The following ADAM10 variants were observed in gnomAD, a reference collection of about 807,000 sequenced individuals.
The protein encoded by ADAM10 is ADAM metallopeptidase domain 10, also known as disintegrin and metalloproteinase domain-containing protein 10.
ADAM10 carries 17 observed loss-of-function variants against 90.1 expected under a neutral mutation model. The observed-to-expected ratio is 0.19, with a 90% CI of 0.13 to 0.28. The LOEUF (loss-of-function observed/expected upper bound fraction) is 0.28. ADAM10 is among the 10% of genes least tolerant of loss of function. The pLI, the probability that ADAM10 is intolerant of heterozygous loss-of-function variation, is 1.00. For synonymous variants in ADAM10, 310 were observed against 298.6 expected (o/e 1.04, Z -0.40); for missense variants, 610 against 914.3 (o/e 0.67, Z 4.29).
At chr15:58,698,575 C>CA (rs138309518) in intron 2 of ADAM10, among the ~76,000 whole-genome samples, 8,724 of 115,440 alleles carry the variant, frequency 0.076, 326 homozygotes, top group East Asian at 0.18. Flanking sequence ...GACCTTGTCT[C>CA]AAAAAAAAAA....
In ADAM10 at chr15:58,593,484, T is replaced by A. The variant is rs565161842; in HGVS notation, c.*4063A>T. 1 of 152,708 alleles carries A rather than the reference T, an allele frequency of 6.5e-6. No individual in the cohort carries two copies. The highest frequency in any genetic ancestry group is 2.1e-4 in the South Asian group (1 of 4,828). The allele number at this position is 152,708 out of a possible 1,614,324, so 9.5% of individuals were successfully genotyped here. ...CCTCCCAAAGTGCTGGGATTACAGG[T>A]GTGAGCCACCGCACCCAGCCCTGCC... On this transcript the variant is annotated 3_prime_UTR_variant, in exon 16 of 16. Coordinates refer to ENST00000260408, the MANE Select transcript of ADAM10 (RefSeq NM_001110.4).
At chr15:58,628,518 C>T (rs1439710705) in intron 9 of ADAM10, among the ~76,000 whole-genome samples, 3 of 152,144 alleles carry the variant, frequency 2.0e-5, no homozygotes, top group African/African-American at 7.2e-5. Flanking sequence ...CATATAAATG[C>T]ACATAAGTGG....
intron 14 of ADAM10, 92 bp downstream of exon 14, chr15:58,610,203 TAA>T: frequency 2.1e-6 from 2 of 966,584 alleles, no homozygotes; most frequent in Non-Finnish European, 3.3e-6. Flanking sequence ...TATAAATAGT[TAA>T]GTTGTTTTCT....
chr15:58,657,580 T>C (rs890940880), intron 5 of ADAM10, among the ~76,000 whole-genome samples: 1 of 152,244 alleles, frequency 6.6e-6, no homozygotes, highest in Admixed American at 6.5e-5. Context: ...TCTGATAGTA[T>C]TCCGAATTCC....
intron 2 of ADAM10, among the ~76,000 whole-genome samples, chr15:58,710,015 G>A (rs1354110179): frequency 1.3e-5 from 2 of 152,036 alleles, no homozygotes; most frequent in African/African-American, 4.8e-5. Flanking sequence ...AGGTGCAGTG[G>A]CTCACGCCTG....
Position 58,746,783 on chromosome 15 carries a change from A to T in ADAM10, c.55+2697T>A, listed in dbSNP as rs544635022. 4.6e-5 allele frequency among the ~76,000 whole-genome samples: 7 copies of T among 152,316 alleles called. No homozygotes were observed. The East Asian group carries it at 9.6e-4, about 21-fold the overall frequency. On this transcript the variant is annotated intron_variant, in intron 1 of 15. Transcript: ENST00000260408. The stretch of plus-strand genomic sequence containing the variant: ...AAATAAACAAAATAAAACATTTTTT[A>T]AAAAAGATGATGGAGTTAACTGGAC...
At position 58,593,149 on chromosome 15, in the gene ADAM10, A is replaced by ATT. The variant is rs766149223; in HGVS notation, c.*4396_*4397dup. 1.3e-4 allele frequency: 9 copies of ATT among 68,464 alleles called. 1 individual carries two copies. Among genetic ancestry groups the ATT allele is most frequent in the African/African-American group, 1.7e-4 (3 of 17,966 alleles). The allele number at this position is 68,464 out of a possible 1,614,324, so 4.2% of individuals were successfully genotyped here. On this transcript the variant is annotated 3_prime_UTR_variant, in exon 16 of 16. Transcript: ENST00000260408. ...AAAGTAACAAAGGCCAGGTACTCAAATTTTTTTTTTTTTTTTTTTTTTTTT... is the reference window on the plus strand; with the variant it reads ...AAAGTAACAAAGGCCAGGTACTCAAATTTTTTTTTTTTTTTTTTTTTTTTTTT...
chr15:58,734,358 C>G (rs771435070), intron 1 of ADAM10, among the ~76,000 whole-genome samples: 55 of 152,094 alleles, frequency 3.6e-4, no homozygotes, highest in Non-Finnish European at 6.9e-4. Context: ...TGTAACAAAC[C>G]CAGTGTCACA....
chr15:58,741,654 C>G (rs1316213056), intron 1 of ADAM10, among the ~76,000 whole-genome samples: 2 of 152,152 alleles, frequency 1.3e-5, no homozygotes, highest in Admixed American at 1.3e-4. Context: ...ACAGAGTGAG[C>G]CCTCTATAAG....
At chr15:58,641,039 C>T (rs1490238686) in intron 7 of ADAM10, 79 bp from the exon 8 acceptor site, 8 of 1,322,422 alleles carry the variant, frequency 6.0e-6, no homozygotes, top group African/African-American at 2.9e-5. Flanking sequence ...CCTTCTTCTG[C>T]GTACACCTGG....
intron 2 of ADAM10, chr15:58,691,730 C>T: frequency 3.0e-6 from 1 of 335,578 alleles, no homozygotes; most frequent in South Asian, 2.2e-5. Flanking sequence ...GTCGCCCAGG[C>T]TTAGTGCAGT....
intron 1 of ADAM10, among the ~76,000 whole-genome samples, chr15:58,738,255 A>G (rs1899494695): frequency 6.6e-6 from 1 of 152,178 alleles, no homozygotes; most frequent in Non-Finnish European, 1.5e-5. Flanking sequence ...TACTGTGTTG[A>G]CCAATGCTTC....
chr15:58,608,873 C>G (rs1895355000), intron 14 of ADAM10, among the ~76,000 whole-genome samples: 1 of 151,770 alleles, frequency 6.6e-6, no homozygotes, highest in South Asian at 2.1e-4. Flanking sequence ...GACTTAGTAC[C>G]CCAAAAATCT....
In ADAM10 at chr15:58,593,734, C is replaced by T. The variant is rs763985303; in HGVS notation, c.*3813G>A. On this transcript the variant is annotated 3_prime_UTR_variant, in exon 16 of 16. Coordinates refer to ENST00000260408, the MANE Select transcript of ADAM10 (RefSeq NM_001110.4). Reference sequence around the variant, plus strand: ...AAACTAATCAGTATTTTGCTCAATGCTCCGTTTTACCTAGCATCCTGTTGC... The same window carrying T: ...AAACTAATCAGTATTTTGCTCAATGTTCCGTTTTACCTAGCATCCTGTTGC... 2.6e-5 allele frequency: 4 copies of T among 152,166 alleles called. No individual in the cohort carries two copies. Among genetic ancestry groups the T allele is most frequent in the Non-Finnish European group, 4.4e-5 (3 of 68,022 alleles). 9.4% of individuals were successfully genotyped at this position (152,166 alleles called of 1,614,324 possible). A position where few individuals can be genotyped will look rare whatever the true frequency, so the allele number is the denominator to read the frequency against.
intron 2 of ADAM10, chr15:58,703,875 A>G (rs1056686197): frequency 1.3e-5 from 2 of 152,778 alleles, no homozygotes; most frequent in African/African-American, 4.8e-5. Context: ...TGAGGCAACT[A>G]AACTTCTTTT....
At chr15:58,736,465 T>A (rs151103720) in intron 1 of ADAM10, among the ~76,000 whole-genome samples, 1 of 152,152 alleles carries the variant, frequency 6.6e-6, no homozygotes, top group African/African-American at 2.4e-5. Context: ...CTAATACTTA[T>A]AAGCCCCATG....
At chr15:58,610,914 G>T in intron 13 of ADAM10, 85 bp downstream of exon 13, 1 of 1,026,596 alleles carries the variant, frequency 9.7e-7, no homozygotes, top group Non-Finnish European at 1.5e-6. Flanking sequence ...TGGCCAAACT[G>T]TAGGTCAAAG....
intron 1 of ADAM10, among the ~76,000 whole-genome samples, chr15:58,743,607 C>CT (rs1241862806): frequency 0.011 from 1,534 of 144,408 alleles, 29 homozygotes; most frequent in African/African-American, 0.034. Flanking sequence ...AAACAAAATA[C>CT]TTTTTTTTTT....
chr15:58,663,072 T>C (rs1252377238), intron 5 of ADAM10, among the ~76,000 whole-genome samples: 1 of 152,268 alleles, frequency 6.6e-6, no homozygotes, highest in Non-Finnish European at 1.5e-5. Context: ...ATATTTTGTT[T>C]GGTTTTCTAG....
Sources: allele counts gnomAD v4.1 joint callset (sites outside exome capture counted in the v4.1 genomes callset), GRCh38; gene constraint gnomAD v4.1.1; transcripts MANE v1.5; gene names NCBI Gene and HGNC (gene_info 2026-07-23, HGNC 2026-07-21).